RNF4: variants seen among roughly 807,000 people sequenced by gnomAD.
RNF4 encodes the protein E3 ubiquitin-protein ligase RNF4.
A neutral mutation model predicts 24.3 loss-of-function variants in RNF4; 7 were observed. That is an observed-to-expected ratio of 0.29 (90% CI 0.16 to 0.54). RNF4 has a LOEUF of 0.54. RNF4 is among the 20% of genes least tolerant of loss of function. RNF4 has a pLI of 0.95. For missense variants in RNF4, 209 were observed against 248.5 expected, an observed-to-expected ratio of 0.84 and a Z score of 1.07; for synonymous variants, 83 against 84.3, an observed-to-expected ratio of 0.98 and a Z score of 0.09.
intron 3 of RNF4, among the ~76,000 whole-genome samples, chr4:2,497,928 C>T (rs1394067406): frequency 6.6e-6 from 1 of 152,144 alleles, no homozygotes; most frequent in African/African-American, 2.4e-5. Flanking sequence ...GCCACTGCAC[C>T]CGGCCATGCA....
At chr4:2,481,656 G>A (rs769318752) in intron 1 of RNF4, among the ~76,000 whole-genome samples, 1 of 152,024 alleles carries the variant, frequency 6.6e-6, no homozygotes, top group Non-Finnish European at 1.5e-5. Context: ...CCTGTTGTGC[G>A]TGCCTGCTTT....
At chr4:2,490,682 C>T in intron 2 of RNF4, 180 bp downstream of exon 2, 1 of 590,662 alleles carries the variant, frequency 1.7e-6, no homozygotes. Flanking sequence ...CATTGAGCTA[C>T]ATTCGAGTCA....
intron 1 of RNF4, among the ~76,000 whole-genome samples, chr4:2,476,990 C>A (rs1167498363): frequency 6.6e-6 from 1 of 151,690 alleles, no homozygotes; most frequent in Non-Finnish European, 1.5e-5. Flanking sequence ...CTATGTTGGC[C>A]AGCCTGGTCT....
rs1181616162 is a variant in RNF4, at chr4:2,469,225, T to A, written c.-191T>A. 3 of 152,130 alleles carry A rather than the reference T, an allele frequency of 2.0e-5. No homozygotes were observed. The highest frequency in any genetic ancestry group is 4.4e-5 in the Non-Finnish European group (3 of 68,056). 9.4% of individuals were successfully genotyped at this position (152,130 alleles called of 1,614,324 possible). A position where few individuals can be genotyped will look rare whatever the true frequency, so the allele number is the denominator to read the frequency against. On this transcript the variant is annotated 5_prime_UTR_variant, in exon 1 of 8. Coordinates refer to ENST00000314289, the MANE Select transcript of RNF4 (RefSeq NM_002938.5). The stretch of plus-strand genomic sequence containing the variant: ...GGTGGCGCCTGCGGACCTAACTAGC[T>A]CCAGGTTAGGCCGAGCTTTGCGGGA...
chr4:2,490,780 A>T (rs1350208697), intron 2 of RNF4: 1 of 347,436 alleles, frequency 2.9e-6, no homozygotes, highest in Admixed American at 4.3e-5. Flanking sequence ...TGTCAGTGTC[A>T]TAGAAATACT....
chr4:2,512,550 T>A lies in RNF4; in HGVS notation c.327T>A (p.Thr109=), dbSNP rs1398414806. The change falls in exon 6 of 8, where the codon ACT becomes ACA. Residue 109 remains threonine (T), a synonymous_variant. Coordinates refer to ENST00000314289, the MANE Select transcript of RNF4 (RefSeq NM_002938.5). The surrounding 1 kb of genome is among the most constrained non-coding windows in gnomAD (Gnocchi z 4.1). ...CCAGGGACAGAGACGTATATGTGAC[T>A]ACCCATACTCCCAGAAACGCCAGGG... ...ELSRDRDVYV[T]THTPRNARDE... The A allele has an allele frequency of 6.2e-7, 1 of 1,613,806 alleles. No individual in the cohort carries two copies. The highest frequency in any genetic ancestry group is 1.3e-5 in the African/African-American group (1 of 74,914).
At chr4:2,507,135 T>C (rs1448526956) in intron 4 of RNF4, among the ~76,000 whole-genome samples, 1 of 151,862 alleles carries the variant, frequency 6.6e-6, no homozygotes, top group Non-Finnish European at 1.5e-5. Flanking sequence ...GTATCCTGCC[T>C]GGTTTTCCAT....
chr4:2,513,249 T>TG (rs1427417484), intron 7 of RNF4, 118 bp downstream of exon 7: 2 of 954,146 alleles, frequency 2.1e-6, no homozygotes, highest in Non-Finnish European at 3.4e-6. Flanking sequence ...CAGTCATGCC[T>TG]GGGCCGTCAC....
chr4:2,482,368 C>T (rs987569905), intron 1 of RNF4, among the ~76,000 whole-genome samples: 1 of 152,240 alleles, frequency 6.6e-6, no homozygotes, highest in Non-Finnish European at 1.5e-5. Flanking sequence ...TGGCCATCAA[C>T]ACCAGGTAGC....
chr4:2,512,133 G>C lies in RNF4; in HGVS notation c.214+168G>C. On this transcript the variant is annotated intron_variant, in intron 5 of 7. Coordinates refer to ENST00000314289, the MANE Select transcript of RNF4 (RefSeq NM_002938.5). This position sits in a 1 kb window ranked among gnomAD's most constrained non-coding sequence, Gnocchi z 4.1. ...CAGACCCACACAGCCAGTCCCCCTT[G>C]TGCCTGCTGAAGAAACTTCACCACT... 1.5e-6 allele frequency: 1 copy of C among 666,718 alleles called. No individual in the cohort carries two copies. The highest frequency in any genetic ancestry group is 2.6e-6 in the Non-Finnish European group (1 of 384,584). The allele number at this position is 666,718 out of a possible 1,614,324, so 41.3% of individuals were successfully genotyped here.
intron 4 of RNF4, among the ~76,000 whole-genome samples, 177 bp from the exon 5 acceptor site, chr4:2,511,779 G>C (rs1736275044): frequency 6.6e-6 from 1 of 152,208 alleles, no homozygotes; most frequent in Non-Finnish European, 1.5e-5. Flanking sequence ...AAGTGGGCTT[G>C]ACTGACTGGG....
chr4:2,513,926 A>G lies in RNF4; in HGVS notation c.*107A>G. The G allele has an allele frequency of 7.1e-7, 1 of 1,409,884 alleles. No individual in the cohort carries two copies. Among genetic ancestry groups the G allele is most frequent in the South Asian group, 1.2e-5 (1 of 83,190 alleles). 87.3% of individuals were successfully genotyped at this position (1,409,884 alleles called of 1,614,324 possible). Reference sequence around the variant, plus strand: ...GATCAAAAAGACTGTTTCGAAACCAACATCTGATATGTAAACTGCTCTTTT... The same window carrying G: ...GATCAAAAAGACTGTTTCGAAACCAGCATCTGATATGTAAACTGCTCTTTT... On this transcript the variant is annotated 3_prime_UTR_variant, in exon 8 of 8. Coordinates refer to ENST00000314289, the MANE Select transcript of RNF4 (RefSeq NM_002938.5).
chr4:2,476,109 C>T (rs1021396202), intron 1 of RNF4, among the ~76,000 whole-genome samples: 1 of 152,078 alleles, frequency 6.6e-6, no homozygotes, highest in African/African-American at 2.4e-5. Context: ...GTTATTTTTC[C>T]TAAGTTTTCT....
chr4:2,470,280 A>AT (rs1734863265), intron 1 of RNF4, among the ~76,000 whole-genome samples: 1 of 152,166 alleles, frequency 6.6e-6, no homozygotes, highest in African/African-American at 2.4e-5. Flanking sequence ...TACCTGCAAG[A>AT]TTTGGGTTTT....
At chr4:2,497,716 G>A (rs2108767593) in intron 3 of RNF4, among the ~76,000 whole-genome samples, 1 of 152,174 alleles carries the variant, frequency 6.6e-6, no homozygotes. Flanking sequence ...CTCACTGCAA[G>A]CTCCACATCC....
intron 1 of RNF4, among the ~76,000 whole-genome samples, chr4:2,489,508 C>A (rs1047532232): frequency 6.6e-6 from 1 of 152,142 alleles, no homozygotes; most frequent in Non-Finnish European, 1.5e-5. Context: ...TTGTTAGATA[C>A]GTAAATTGGA....
chr4:2,513,562 C>G (rs1459431972), intron 7 of RNF4, 108 bp from the exon 8 acceptor site: 3 of 1,365,734 alleles, frequency 2.2e-6, no homozygotes, highest in African/African-American at 2.9e-5. Flanking sequence ...CTGGCCCTTG[C>G]TTTCCTTTAA....
chr4:2,488,666 C>T (rs1735488660), intron 1 of RNF4, among the ~76,000 whole-genome samples: 1 of 152,126 alleles, frequency 6.6e-6, no homozygotes, highest in Admixed American at 6.5e-5. Flanking sequence ...CAAACACTCT[C>T]TTGTAATAAC....
intron 7 of RNF4, 82 bp from the exon 8 acceptor site, chr4:2,513,588 A>G (rs990691918): frequency 1.9e-6 from 3 of 1,544,808 alleles, no homozygotes; most frequent in Non-Finnish European, 2.7e-6. Flanking sequence ...CATCTTAGGC[A>G]TAGGTGGGTG....
Sources: gnomAD v4.1 joint callset for allele counts (sites outside exome capture counted in the v4.1 genomes callset) on GRCh38, gnomAD v4.1.1 for gene constraint, Gnocchi (gnomAD v3.1) non-coding constraint, MANE v1.5 for transcripts, NCBI Gene and HGNC (gene_info 2026-07-23, HGNC 2026-07-21) for gene names.